Variants in ROBO2 observed in about 807,000 individuals in gnomAD.
ROBO2 encodes roundabout homolog 2.
In ROBO2, 53 loss-of-function variants were observed where a neutral mutation model predicts 160.8. That is an observed-to-expected ratio of 0.33 (90% CI 0.26 to 0.41). The LOEUF (loss-of-function observed/expected upper bound fraction) is 0.41. Ranked by LOEUF, ROBO2 falls within the 10% of genes least tolerant of loss-of-function variation. The pLI is 1.00. For synonymous variants in ROBO2, 664 were observed against 611.7 expected (o/e 1.09, Z -1.26); for missense variants, 1,577 against 1,722.4 (o/e 0.92, Z 1.49).
intron 1 of ROBO2, among the ~76,000 whole-genome samples, chr3:77,062,281 G>A (rs182389797): frequency 2.6e-5 from 4 of 152,224 alleles, no homozygotes; most frequent in Non-Finnish European, 4.4e-5. Flanking sequence ...TCTGTCTTCT[G>A]GGAACCTTTC....
At chr3:77,306,660 C>A (rs938961118) in intron 2 of ROBO2, among the ~76,000 whole-genome samples, 5 of 152,044 alleles carry the variant, frequency 3.3e-5, no homozygotes, top group Non-Finnish European at 5.9e-5. Flanking sequence ...GAGACATATA[C>A]CACATAGCAT....
chr3:76,736,092 G>T (rs1325522765), intron 2 of ROBO2, among the ~76,000 whole-genome samples: 1 of 151,448 alleles, frequency 6.6e-6, no homozygotes, highest in Admixed American at 6.6e-5. Flanking sequence ...GACCATCCTG[G>T]CTAACACGGT....
At chr3:77,518,747 G>A (rs964441209) in intron 5 of ROBO2, among the ~76,000 whole-genome samples, 13 of 151,448 alleles carry the variant, frequency 8.6e-5, no homozygotes, top group Non-Finnish European at 1.6e-4. Context: ...TCCAACTTCA[G>A]TGATCCTCAA....
chr3:77,232,600 C>T (rs2087372235), intron 2 of ROBO2, among the ~76,000 whole-genome samples: 1 of 152,076 alleles, frequency 6.6e-6, no homozygotes, highest in African/African-American at 2.4e-5. Flanking sequence ...CATTTGTATG[C>T]TACATGGAAT....
intron 2 of ROBO2, among the ~76,000 whole-genome samples, chr3:76,487,379 A>G (rs1355945836): frequency 6.6e-6 from 1 of 152,162 alleles, no homozygotes; most frequent in African/African-American, 2.4e-5. Flanking sequence ...ATAAAAACGT[A>G]TGTAAAAATG....
chr3:76,904,670 G>A (rs2075470157), intron 2 of ROBO2, among the ~76,000 whole-genome samples: 2 of 152,122 alleles, frequency 1.3e-5, no homozygotes, highest in South Asian at 4.1e-4. Flanking sequence ...ACAGGCTCCT[G>A]TAGCCCAGTT....
intron 2 of ROBO2, among the ~76,000 whole-genome samples, chr3:76,150,290 AAC>A (rs1256035314): frequency 1.3e-5 from 2 of 150,356 alleles, no homozygotes; most frequent in Non-Finnish European, 3.0e-5. Context: ...ATCTGTCTAA[AAC>A]ACACATCTGT....
intron 2 of ROBO2, among the ~76,000 whole-genome samples, chr3:77,380,771 T>C (rs2073347561): frequency 6.7e-6 from 1 of 148,422 alleles, no homozygotes; most frequent in Non-Finnish European, 1.5e-5. Context: ...ATTATCTCAA[T>C]GGTTAATCTG....
chr3:77,522,678 T>G, intron 5 of ROBO2, 97 bp from the exon 6 acceptor site: 1 of 1,264,464 alleles, frequency 7.9e-7, no homozygotes, highest in Admixed American at 1.9e-5. Flanking sequence ...TGTGTTTAGG[T>G]AAAATACAGT....
chr3:76,928,549 T>C lies in ROBO2; in HGVS notation c.110-169465T>C, dbSNP rs1473189957. ...ATTTTAATATTATTAGATGTTCTCA[T>C]TCAAGATTCTCAGCCAATGTCTATG... On this transcript the variant is annotated intron_variant, in intron 2 of 26. Coordinates refer to the ROBO2 transcript ENST00000487694. Among the ~76,000 whole-genome samples, 5 of 152,140 alleles carry C rather than the reference T, an allele frequency of 3.3e-5. No homozygotes were observed. The East Asian group carries it at 9.7e-4, about 29-fold the overall frequency.
At position 76,688,619 on chromosome 3, in the gene ROBO2, G is replaced by A. The variant is rs1210707732; in HGVS notation, c.110-409395G>A. ...ATTTTAGTGGTGTGTGTGTGTGTGTGTGTGTGTGCATGCAAGAAACCAAGA... is the reference window on the plus strand; with the variant it reads ...ATTTTAGTGGTGTGTGTGTGTGTGTATGTGTGTGCATGCAAGAAACCAAGA... On this transcript the variant is annotated intron_variant, in intron 2 of 26. Transcript: ENST00000487694. 4.0e-5 allele frequency among the ~76,000 whole-genome samples: 6 copies of A among 151,718 alleles called. No individual in the cohort carries two copies. In the East Asian group the frequency reaches 7.7e-4, roughly 20 times the overall value.
chr3:76,827,048 A>G (rs753176087), intron 2 of ROBO2, among the ~76,000 whole-genome samples: 2 of 152,326 alleles, frequency 1.3e-5, no homozygotes, highest in East Asian at 1.9e-4. Context: ...CTTGTCGCAC[A>G]TGACAATATA....
chr3:76,964,366 G>C (rs2079909828), intron 2 of ROBO2, among the ~76,000 whole-genome samples: 1 of 151,938 alleles, frequency 6.6e-6, no homozygotes, highest in South Asian at 2.1e-4. Flanking sequence ...TTTTGAGATG[G>C]AGTTTTTCTC....
intron 2 of ROBO2, among the ~76,000 whole-genome samples, chr3:76,986,289 T>C (rs2060376664): frequency 6.6e-6 from 1 of 152,188 alleles, no homozygotes; most frequent in Non-Finnish European, 1.5e-5. Flanking sequence ...GGCTGTTTAC[T>C]ATTGATCAAA....
At chr3:77,059,104 A>G (rs1474996217) in intron 1 of ROBO2, among the ~76,000 whole-genome samples, 1 of 152,164 alleles carries the variant, frequency 6.6e-6, no homozygotes, top group Non-Finnish European at 1.5e-5. Flanking sequence ...AGATTATAAA[A>G]TCTATGAAAT....
At chr3:75,935,279 G>A (rs759937658) in intron 1 of ROBO2, among the ~76,000 whole-genome samples, 30 of 151,976 alleles carry the variant, frequency 2.0e-4, no homozygotes, top group Admixed American at 1.9e-3. Context: ...CATTGCTTTC[G>A]GAAGTCTAGG....
chr3:77,214,832 C>T (rs2151133912), intron 2 of ROBO2, among the ~76,000 whole-genome samples: 1 of 152,242 alleles, frequency 6.6e-6, no homozygotes, highest in Admixed American at 6.5e-5. Flanking sequence ...TCCTCCTTCA[C>T]TTATGAAGCT....
chr3:77,392,262 A>C (rs1354686441), intron 2 of ROBO2, among the ~76,000 whole-genome samples: 2 of 152,058 alleles, frequency 1.3e-5, no homozygotes, highest in African/African-American at 2.4e-5. Flanking sequence ...AACCTATTTG[A>C]CTCTGTCAGA....
At chr3:76,204,973 G>A (rs1702729308) in intron 2 of ROBO2, among the ~76,000 whole-genome samples, 1 of 152,116 alleles carries the variant, frequency 6.6e-6, no homozygotes, top group Admixed American at 6.6e-5. Flanking sequence ...TATTTGCAAA[G>A]TATGAAAAAG....
Sources: gnomAD v4.1 joint callset for allele counts (sites outside exome capture counted in the v4.1 genomes callset) on GRCh38, gnomAD v4.1.1 for gene constraint, MANE v1.5 for transcripts, NCBI Gene and HGNC (gene_info 2026-07-23, HGNC 2026-07-21) for gene names.